Variants in CTNNA2 observed in about 807,000 individuals in gnomAD.
CTNNA2 encodes the protein catenin alpha 2.
CTNNA2 carries 42 observed loss-of-function variants against 101.0 expected under a neutral mutation model. The observed-to-expected ratio is 0.42, with a 90% CI of 0.32 to 0.54. The LOEUF is 0.54. CTNNA2 is among the 20% of genes least tolerant of loss of function. CTNNA2 has a pLI of 0.14. For missense variants in CTNNA2, 871 were observed against 1,223.1 expected, an observed-to-expected ratio of 0.71 and a Z score of 4.29; for synonymous variants, 450 against 456.4, an observed-to-expected ratio of 0.99 and a Z score of 0.18.
rs148008746 is a variant in CTNNA2, at chr2:79,746,406, G to A, written c.298+1824G>A. Among the ~76,000 whole-genome samples, 1,116 of 152,144 alleles carry A rather than the reference G, an allele frequency of 7.3e-3. 12 individuals carry two copies. Among genetic ancestry groups the A allele is most frequent in the African/African-American group, 0.026 (1,070 of 41,498 alleles). On this transcript the variant is annotated intron_variant, in intron 3 of 18. Transcript: ENST00000402739. ...TGACACAGAGAATTTTTAAATTTTG[G>A]TGTAGTCCTATGCAGCATTGTAGTT... is the stretch of plus-strand genomic sequence containing the variant.
upstream of CTNNA2, among the ~76,000 whole-genome samples, chr2:79,512,266 C>G (rs1255630969): frequency 3.9e-5 from 6 of 152,160 alleles, no homozygotes; most frequent in Admixed American, 2.0e-4. Flanking sequence ...CTGGTACAAA[C>G]TAGGAGCCAA....
At chr2:80,403,248 G>A (rs1271442404) in intron 8 of CTNNA2, among the ~76,000 whole-genome samples, 1 of 152,130 alleles carries the variant, frequency 6.6e-6, no homozygotes, top group African/African-American at 2.4e-5. Flanking sequence ...TGTTAGTCCT[G>A]GCTGTGCTCC....
intron 7 of CTNNA2, among the ~76,000 whole-genome samples, chr2:80,188,016 T>A (rs1336737766): frequency 6.6e-6 from 1 of 151,728 alleles, no homozygotes; most frequent in Non-Finnish European, 1.5e-5. Context: ...CAGAGAAGTT[T>A]GTACCTGCCT....
In CTNNA2 at chr2:79,804,015, T is replaced by C. The variant is rs1180735293; in HGVS notation, c.299-53998T>C. Among the ~76,000 whole-genome samples the C allele has an allele frequency of 5.9e-5, 9 of 152,368 alleles. No individual in the cohort carries two copies. In the South Asian group the frequency reaches 8.3e-4, roughly 14 times the overall value. Reference sequence around the variant, plus strand: ...TAAGAGGCAGCTGGCCATGTGGTAGTTGGGCCACCAGTTTCTCAAATCAAG... The same window carrying C: ...TAAGAGGCAGCTGGCCATGTGGTAGCTGGGCCACCAGTTTCTCAAATCAAG... On this transcript the variant is annotated intron_variant, in intron 3 of 18. Coordinates refer to ENST00000402739, the MANE Select transcript of CTNNA2 (RefSeq NM_001282597.3).
At chr2:79,518,777 CT>C (rs1671940283) in intron 1 of CTNNA2, among the ~76,000 whole-genome samples, 1 of 152,172 alleles carries the variant, frequency 6.6e-6, no homozygotes, top group African/African-American at 2.4e-5. Flanking sequence ...GCTAATTGTA[CT>C]CAATTGTTTC....
chr2:79,348,659 A>G (rs1448952539), intron 3 of CTNNA2, among the ~76,000 whole-genome samples: 3 of 152,200 alleles, frequency 2.0e-5, no homozygotes, highest in African/African-American at 7.2e-5. Context: ...TCAATTACCT[A>G]GGTCGCAGAG....
intron 2 of CTNNA2, among the ~76,000 whole-genome samples, chr2:79,290,679 G>A (rs1003064669): frequency 6.6e-6 from 1 of 152,146 alleles, no homozygotes; most frequent in Non-Finnish European, 1.5e-5. Flanking sequence ...CCATCAACCG[G>A]AGGAACGACA....
At chr2:79,803,590 G>A (rs185172592) in intron 3 of CTNNA2, among the ~76,000 whole-genome samples, 3 of 152,238 alleles carry the variant, frequency 2.0e-5, no homozygotes, top group African/African-American at 4.8e-5. Context: ...GGGCGGGCCA[G>A]GTGTTCCTTG....
At chr2:79,618,123 G>A (rs1381720567) in intron 1 of CTNNA2, among the ~76,000 whole-genome samples, 2 of 152,176 alleles carry the variant, frequency 1.3e-5, no homozygotes, top group African/African-American at 4.8e-5. Context: ...GTTAAGCCAT[G>A]TGCCAAGGCT....
chr2:79,908,556 C>T (rs1685575532), intron 6 of CTNNA2, among the ~76,000 whole-genome samples: 1 of 152,176 alleles, frequency 6.6e-6, no homozygotes, highest in Non-Finnish European at 1.5e-5. Flanking sequence ...AGCCTTTGGT[C>T]AATGTCACCT....
At chr2:80,080,397 A>G (rs1020160758) in intron 7 of CTNNA2, among the ~76,000 whole-genome samples, 2 of 152,192 alleles carry the variant, frequency 1.3e-5, no homozygotes, top group African/African-American at 4.8e-5. Flanking sequence ...TGATTTCGAC[A>G]AGGACACCTC....
chr2:79,450,630 G>C (rs1040195694), intron 4 of CTNNA2, among the ~76,000 whole-genome samples: 1 of 151,934 alleles, frequency 6.6e-6, no homozygotes, highest in Non-Finnish European at 1.5e-5. Context: ...CATTGTCATC[G>C]GTAGGTTCTT....
chr2:79,948,734 C>T (rs1023170407), intron 7 of CTNNA2, among the ~76,000 whole-genome samples: 3 of 152,176 alleles, frequency 2.0e-5, no homozygotes, highest in Admixed American at 1.3e-4. Flanking sequence ...TTTGGGAGGC[C>T]GAGGCGGGCG....
intron 7 of CTNNA2, among the ~76,000 whole-genome samples, chr2:80,094,386 C>T (rs1485097873): frequency 1.3e-5 from 2 of 152,170 alleles, no homozygotes; most frequent in African/African-American, 4.8e-5. Flanking sequence ...GGTACCAGTA[C>T]CATGCTGTTT....
chr2:80,030,194 C>A (rs1003558493), intron 7 of CTNNA2, among the ~76,000 whole-genome samples: 9 of 150,402 alleles, frequency 6.0e-5, no homozygotes, highest in African/African-American at 2.2e-4. Flanking sequence ...TGTTTTTCAT[C>A]CAAACACAGA....
chr2:80,211,108 G>T (rs1035896263), intron 7 of CTNNA2, among the ~76,000 whole-genome samples: 1 of 152,090 alleles, frequency 6.6e-6, no homozygotes, highest in Non-Finnish European at 1.5e-5. Flanking sequence ...TGTAGATTCT[G>T]GATATTAGCC....
chr2:79,476,266 T>A (rs1348625553), intron 4 of CTNNA2, among the ~76,000 whole-genome samples: 1 of 152,038 alleles, frequency 6.6e-6, no homozygotes, highest in African/African-American at 2.4e-5. Context: ...AGGAATACAA[T>A]GTAAGAATCA....
At chr2:80,344,229 C>T (rs1414337533) in intron 7 of CTNNA2, among the ~76,000 whole-genome samples, 1 of 151,900 alleles carries the variant, frequency 6.6e-6, no homozygotes, top group Non-Finnish European at 1.5e-5. Flanking sequence ...TCTTTTTTTT[C>T]ATTCCATATT....
At chr2:80,344,784 C>T (rs113079510) in intron 7 of CTNNA2, among the ~76,000 whole-genome samples, 2,661 of 152,286 alleles carry the variant, frequency 0.017, 80 homozygotes, top group African/African-American at 0.059. Context: ...CAACACATGG[C>T]CTCCGAAACT....
Sources: gnomAD v4.1 joint callset for allele counts (sites outside exome capture counted in the v4.1 genomes callset) on GRCh38, gnomAD v4.1.1 for gene constraint, MANE v1.5 for transcripts, NCBI Gene and HGNC (gene_info 2026-07-23, HGNC 2026-07-21) for gene names.